Variants in RBFOX1 observed in about 807,000 individuals in gnomAD.
The protein encoded by RBFOX1 is RNA binding protein fox-1 homolog 1.
RBFOX1 carries 8 observed loss-of-function variants against 57.7 expected under a neutral mutation model. That is an observed-to-expected ratio of 0.14 (90% CI 0.08 to 0.25). The LOEUF (loss-of-function observed/expected upper bound fraction) is 0.25. Among genes scored for constraint, RBFOX1 ranks in the 10% least tolerant of loss-of-function variants. The pLI, the probability that RBFOX1 is intolerant of heterozygous loss-of-function variation, is 1.00. For missense variants in RBFOX1, 611 were observed against 548.5 expected, an observed-to-expected ratio of 1.11 and a Z score of -1.14; for synonymous variants, 326 against 222.4, an observed-to-expected ratio of 1.47 and a Z score of -4.15.
chr16:6,185,881 A>T (rs1437811881), intron 1 of RBFOX1, among the ~76,000 whole-genome samples: 1 of 152,218 alleles, frequency 6.6e-6, no homozygotes, highest in Non-Finnish European at 1.5e-5. Flanking sequence ...AAGAAGGAAG[A>T]CAGGAACCTT....
intron 1 of RBFOX1, among the ~76,000 whole-genome samples, chr16:6,296,136 G>T (rs999954137): frequency 3.9e-5 from 6 of 152,110 alleles, no homozygotes; most frequent in Non-Finnish European, 8.8e-5. Flanking sequence ...CCTTGGGCAC[G>T]GTTGGAAGGT....
At chr16:6,016,991 G>A (rs1436949091), upstream of RBFOX1, among the ~76,000 whole-genome samples, 1 of 152,210 alleles carries the variant, frequency 6.6e-6, no homozygotes, top group Non-Finnish European at 1.5e-5. Context: ...AGTGAGTCAT[G>A]CCTGACACTC....
intron 1 of RBFOX1, among the ~76,000 whole-genome samples, chr16:6,304,756 A>G (rs1445605412): frequency 2.6e-5 from 4 of 150,958 alleles, no homozygotes; most frequent in Non-Finnish European, 5.9e-5. Context: ...GCGGTGGTGC[A>G]CGCCTGTGGT....
intron 2 of RBFOX1, among the ~76,000 whole-genome samples, chr16:6,503,413 C>G (rs1300774081): frequency 6.6e-5 from 10 of 152,068 alleles, no homozygotes; most frequent in Admixed American, 6.5e-4. Flanking sequence ...TATTTCGTGG[C>G]TTAAAAAAAT....
intron 2 of RBFOX1, among the ~76,000 whole-genome samples, chr16:6,477,207 C>G (rs2095287370): frequency 6.6e-6 from 1 of 152,154 alleles, no homozygotes; most frequent in African/African-American, 2.4e-5. Context: ...CTTGAATGTT[C>G]TTAATGGCAT....
At chr16:6,640,407 G>A (rs1485489140) in intron 2 of RBFOX1, among the ~76,000 whole-genome samples, 5 of 152,042 alleles carry the variant, frequency 3.3e-5, no homozygotes, top group Admixed American at 6.5e-5. Context: ...CCAGGAGTGT[G>A]AGACCAGCCT....
At chr16:6,314,051 G>C (rs1446931935) in intron 1 of RBFOX1, among the ~76,000 whole-genome samples, 1 of 152,178 alleles carries the variant, frequency 6.6e-6, no homozygotes, top group East Asian at 1.9e-4. Flanking sequence ...ATTAAGACCA[G>C]ATGTAAAGGT....
chr16:5,326,645 T>C (rs941186493), intron 1 of RBFOX1, among the ~76,000 whole-genome samples: 2 of 152,172 alleles, frequency 1.3e-5, no homozygotes, highest in African/African-American at 4.8e-5. Flanking sequence ...TCATCCAAGA[T>C]CTGTAGGCAT....
rs536442616 is a variant in RBFOX1 at position 5,562,868 on chromosome 16, T to C, written c.259-36034T>C. On this transcript the variant is annotated intron_variant, in intron 2 of 2. Transcript: ENST00000585867. ...ATCTGCTAACCATAAACCTGTGATA[T>C]TGATATTGGCTTCATACTGCCGCTG... Among the ~76,000 whole-genome samples the C allele has an allele frequency of 3.3e-5, 5 of 152,302 alleles. No individual in the cohort carries two copies. The East Asian group carries it at 9.7e-4, about 29-fold the overall frequency.
chr16:5,888,158 G>A (rs566549785), intron 4 of RBFOX1, among the ~76,000 whole-genome samples: 5 of 152,214 alleles, frequency 3.3e-5, no homozygotes, highest in Admixed American at 2.0e-4. Flanking sequence ...CAGCCACTGT[G>A]GTGTGCCAGG....
intron 3 of RBFOX1, among the ~76,000 whole-genome samples, chr16:6,664,323 C>G (rs1332709912): frequency 6.6e-6 from 1 of 152,186 alleles, no homozygotes. Flanking sequence ...GGGCATGGCT[C>G]TCATTCCAAA....
intron 4 of RBFOX1, among the ~76,000 whole-genome samples, chr16:7,141,583 C>G (rs147242174): frequency 1.3e-5 from 2 of 152,062 alleles, no homozygotes; most frequent in African/African-American, 4.8e-5. Context: ...ATTTATGGCT[C>G]CCTGTACCAG....
intron 3 of RBFOX1, among the ~76,000 whole-genome samples, chr16:6,989,338 C>T (rs1250019092): frequency 1.3e-5 from 2 of 152,162 alleles, no homozygotes; most frequent in South Asian, 4.1e-4. Flanking sequence ...CTCTGTCTAT[C>T]TGTATCAGTC....
intron 1 of RBFOX1, among the ~76,000 whole-genome samples, chr16:6,033,873 C>G (rs899498262): frequency 1.1e-4 from 17 of 152,116 alleles, no homozygotes; most frequent in African/African-American, 3.9e-4. Flanking sequence ...TGAGCTGCAC[C>G]CTTACATGTT....
chr16:6,967,570 T>C (rs868459541), intron 3 of RBFOX1, among the ~76,000 whole-genome samples: 8 of 152,094 alleles, frequency 5.3e-5, no homozygotes, highest in African/African-American at 1.9e-4. Context: ...CCTACACCTC[T>C]TTACATGTCA....
At chr16:7,132,835 A>G (rs947274221) in intron 4 of RBFOX1, among the ~76,000 whole-genome samples, 7 of 152,218 alleles carry the variant, frequency 4.6e-5, no homozygotes, top group South Asian at 2.1e-4. Context: ...TACATCTTTC[A>G]GTAACTGCCA....
At chr16:6,110,113 G>A (rs1022377368) in intron 1 of RBFOX1, among the ~76,000 whole-genome samples, 2 of 151,268 alleles carry the variant, frequency 1.3e-5, no homozygotes, top group African/African-American at 4.9e-5. Context: ...CACATCTACT[G>A]TCTATGGATA....
intron 2 of RBFOX1, among the ~76,000 whole-genome samples, chr16:6,469,080 A>T (rs1046164800): frequency 6.6e-6 from 1 of 152,174 alleles, no homozygotes; most frequent in Non-Finnish European, 1.5e-5. Flanking sequence ...GTACACAAGC[A>T]ACAAGAACTT....
rs966687188 is a variant in RBFOX1 at position 7,695,347 on chromosome 16, T to C, written c.996-13709T>C. Among the ~76,000 whole-genome samples, 4 of 152,086 alleles carry C rather than the reference T, an allele frequency of 2.6e-5. No homozygotes were observed. The East Asian group carries it at 7.7e-4, about 29-fold the overall frequency. ...AAAACTGCTCAGTCAACAAAGGTTGTAACTCGTGGTTTCAGTGAAAGCCTT... is the reference window on the plus strand; with the variant it reads ...AAAACTGCTCAGTCAACAAAGGTTGCAACTCGTGGTTTCAGTGAAAGCCTT... On this transcript the variant is annotated intron_variant, in intron 14 of 15. Transcript: ENST00000550418.
Sources: gnomAD v4.1 joint callset for allele counts (sites outside exome capture counted in the v4.1 genomes callset) on GRCh38, gnomAD v4.1.1 for gene constraint, MANE v1.5 for transcripts, NCBI Gene and HGNC (gene_info 2026-07-23, HGNC 2026-07-21) for gene names.